CARD16: variants seen among roughly 807,000 people sequenced by gnomAD.
The protein encoded by CARD16 is caspase recruitment domain family member 16.
Under a neutral mutation model 11.9 loss-of-function variants are expected in CARD16, and 8 were observed. That is an observed-to-expected ratio of 0.67 (90% CI 0.39 to 1.21). The LOEUF (loss-of-function observed/expected upper bound fraction) is 1.21. Among genes scored for constraint, CARD16 ranks in the 50% most tolerant of loss-of-function variants. The pLI is 0.01. For missense variants in CARD16, 131 were observed against 118.1 expected (o/e 1.11, Z -0.51); for synonymous variants, 44 against 43.8 (o/e 1.00, Z -0.02).
intron 1 of CARD16, 178 bp from the exon 2 acceptor site, chr11:105,044,836 T>A: frequency 8.8e-7 from 1 of 1,137,160 alleles, no homozygotes; most frequent in Non-Finnish European, 1.2e-6. Flanking sequence ...AGTCCCCATA[T>A]ATGTGCATGG....
intron 3 of CARD16, among the ~76,000 whole-genome samples, chr11:105,042,325 T>A (rs192711541): frequency 1.4e-4 from 21 of 152,310 alleles, no homozygotes; most frequent in Admixed American, 1.2e-3. Context: ...GTGCTCTAGA[T>A]GGATTCATAG....
In CARD16 at chr11:105,043,645, C is replaced by T. The variant is rs146323107; in HGVS notation, c.275-100G>A. On this transcript the variant is annotated intron_variant, in intron 2 of 3. Transcript: ENST00000673097. ...CCTCACTGCAAATTCCTCCCACAAC[C>T]CTGACTAAATGACAATAAATAATGT... is the stretch of plus-strand genomic sequence containing the variant. The T allele has an allele frequency of 7.5e-4, 598 of 796,148 alleles. 4 individuals are homozygous for T. In the African/African-American group the frequency reaches 8.7e-3, roughly 12 times the overall value. The allele number at this position is 796,148 out of a possible 1,614,324, so 49.3% of individuals were successfully genotyped here.
chr11:105,044,147 AC>A (rs891492035), intron 2 of CARD16: 41 of 606,148 alleles, frequency 6.8e-5, no homozygotes, highest in African/African-American at 6.7e-4. Flanking sequence ...AGTTCTCATG[AC>A]CTTAAGGAAA....
chr11:105,044,379 C>T lies in CARD16; in HGVS notation c.274+13G>A. 1 of 1,613,902 alleles carries T rather than the reference C, an allele frequency of 6.2e-7. No homozygotes were observed. ...GCCCTAGGTGAACTTGAGTGTGAGT[C>T]ACTGACCCTTACCTGCTGAGAGTCC... On this transcript the variant is annotated intron_variant, in intron 2 of 3. Coordinates refer to ENST00000673097, the MANE Select transcript of CARD16 (RefSeq NM_052889.4).
chr11:105,041,707 A>C lies in CARD16; in HGVS notation c.*56T>G, dbSNP rs141079962. 1.9e-6 allele frequency: 3 copies of C among 1,613,848 alleles called. No individual in the cohort carries two copies. Among genetic ancestry groups the C allele is most frequent in the Middle Eastern group, 1.7e-4 (1 of 6,058 alleles). On this transcript the variant is annotated 3_prime_UTR_variant, in exon 4 of 4. Coordinates refer to ENST00000673097, the MANE Select transcript of CARD16 (RefSeq NM_052889.4). The stretch of plus-strand genomic sequence containing the variant: ...TGTGGGCATAGCTGGGTTGTCCTGC[A>C]CTGCCTGAAGAGCTGCAAGAGACAA...
rs371959716 is a variant in CARD16 at position 105,041,577 on chromosome 11, C to G, written c.*186G>C. 35 of 1,613,956 alleles carry G rather than the reference C, an allele frequency of 2.2e-5. No homozygotes were observed. The highest frequency in any genetic ancestry group is 2.8e-5 in the Non-Finnish European group (33 of 1,179,956). On this transcript the variant is annotated 3_prime_UTR_variant, in exon 4 of 4. Transcript: ENST00000673097. ...TGCCTGAAGTATATCTTTCACTCCA[C>G]TTTATTATTGTATTCTGAACATGGC...
chr11:105,044,345 C>G (rs368940697), intron 2 of CARD16, 47 bp downstream of exon 2: 37 of 1,611,026 alleles, frequency 2.3e-5, no homozygotes, highest in Middle Eastern at 3.3e-4. Flanking sequence ...ATGTTAGGCA[C>G]GAAGACAGGC....
chr11:105,044,573 C>T lies in CARD16; in HGVS notation c.93G>A (p.Gln31=), dbSNP rs536110507. ...TINGLLDELL[Q]TRVLNQEEME... ...TCTCTTCCTGGTTCAGCACCCTTGT[C>T]TGTAATAATTCATCCAGTAAGCCAT... The change falls in exon 2 of 4, where the codon CAG becomes CAA. Residue 31 remains glutamine (Q), a synonymous_variant. Transcript: ENST00000673097. 3 of 1,614,148 alleles carry T rather than the reference C, an allele frequency of 1.9e-6. No homozygotes were observed. The highest frequency in any genetic ancestry group is 3.3e-5 in the Admixed American group (2 of 60,020).
Position 105,041,618 on chromosome 11 carries a change from GT to G in CARD16, c.*144del, listed in dbSNP as rs1485822361. On this transcript the variant is annotated 3_prime_UTR_variant, in exon 4 of 4. Transcript: ENST00000673097. Reference sequence around the variant, plus strand: ...TGAACATGGCACCTCTGCAACTTTTGTTTCCATATCCTTTGAGCGTCTTCTA... The same window carrying G: ...TGAACATGGCACCTCTGCAACTTTTGTTCCATATCCTTTGAGCGTCTTCTA... 4 of 1,613,874 alleles carry G rather than the reference GT, an allele frequency of 2.5e-6. No individual in the cohort carries two copies. The highest frequency in any genetic ancestry group is 3.4e-6 in the Non-Finnish European group (4 of 1,179,936).
At chr11:105,043,675 G>A (rs1864147796) in intron 2 of CARD16, 130 bp from the exon 3 acceptor site, 3 of 703,978 alleles carry the variant, frequency 4.3e-6, no homozygotes, top group Admixed American at 4.3e-5. Context: ...TAATGTTCAA[G>A]TGCACCAAAA....
chr11:105,044,276 G>T, intron 2 of CARD16, 116 bp downstream of exon 2: 1 of 1,526,762 alleles, frequency 6.5e-7, no homozygotes. Flanking sequence ...CAGAAATATG[G>T]CCCAAAGGCA....
chr11:105,041,867 T>C, intron 3 of CARD16, 148 bp from the exon 4 acceptor site: 2 of 719,210 alleles, frequency 2.8e-6, no homozygotes, highest in South Asian at 3.8e-5. Flanking sequence ...TTGCTGCTAA[T>C]GGAGCACATT....
chr11:105,045,307 C>G lies in CARD16; in HGVS notation c.-10G>C. 1 of 1,614,014 alleles carries G rather than the reference C, an allele frequency of 6.2e-7. No individual in the cohort carries two copies. Among genetic ancestry groups the G allele is most frequent in the Non-Finnish European group, 8.5e-7 (1 of 1,179,892 alleles). ...AAGACTCACCGGCCATGGCTTTTCT[C>G]TCCTACCCTTCTTGTGTGGGCTGAA... On this transcript the variant is annotated 5_prime_UTR_variant, in exon 1 of 4. Transcript: ENST00000673097.
At chr11:105,044,759 G>A (rs1012265753) in intron 1 of CARD16, 101 bp from the exon 2 acceptor site, 27 of 1,537,826 alleles carry the variant, frequency 1.8e-5, no homozygotes, top group Non-Finnish European at 2.3e-5. Flanking sequence ...TCAGTGAAAT[G>A]TCCCCCTCCT....
chr11:105,044,402 T>C lies in CARD16; in HGVS notation c.264A>G (p.Gly88=). 6.2e-7 allele frequency: 1 copy of C among 1,613,924 alleles called. No homozygotes were observed. The highest frequency in any genetic ancestry group is 8.5e-7 in the Non-Finnish European group (1 of 1,179,892). The part of the protein sequence containing the change: ...EEDSYLAETL[G]LSAGPIPGN ...GTCACTGACCCTTACCTGCTGAGAG[T>C]CCCAGCGTCTCTGCCAGGTAACTGT... is the stretch of plus-strand genomic sequence containing the variant. Residue 88 remains glycine (G), a synonymous_variant, in exon 2 of 4, where the codon GGA becomes GGG. Coordinates refer to ENST00000673097, the MANE Select transcript of CARD16 (RefSeq NM_052889.4).
intron 1 of CARD16, chr11:105,044,898 A>C: frequency 3.0e-6 from 2 of 671,378 alleles, no homozygotes; most frequent in Admixed American, 5.9e-5. Flanking sequence ...TGGAAAGCAG[A>C]GATCATCCTC....
chr11:105,041,782 T>C, intron 3 of CARD16, 63 bp from the exon 4 acceptor site: 2 of 1,469,232 alleles, frequency 1.4e-6, no homozygotes, highest in Non-Finnish European at 1.9e-6. Context: ...GCCTCACCTA[T>C]GGAGGAAGCT....
intron 2 of CARD16, 65 bp downstream of exon 2, chr11:105,044,327 G>T: frequency 6.2e-7 from 1 of 1,608,250 alleles, no homozygotes; most frequent in Non-Finnish European, 8.5e-7. Context: ...GACTAGTAAA[G>T]AAATCAAATG....
At chr11:105,044,143 C>T in intron 2 of CARD16, 1 of 599,326 alleles carries the variant, frequency 1.7e-6, no homozygotes, top group Non-Finnish European at 2.9e-6. Context: ...AGATAGTTCT[C>T]ATGACCTTAA....
Sources: allele counts gnomAD v4.1 joint callset (sites outside exome capture counted in the v4.1 genomes callset), GRCh38; gene constraint gnomAD v4.1.1; transcripts MANE v1.5; gene names NCBI Gene and HGNC (gene_info 2026-07-23, HGNC 2026-07-21).